Variants in PCDHGB7 observed in about 807,000 individuals in gnomAD.
PCDHGB7 encodes the protein protocadherin gamma-B7.
A neutral mutation model predicts 61.4 loss-of-function variants in PCDHGB7; 37 were observed. The ratio of observed to expected loss-of-function variants is 0.60; its 90% confidence interval spans 0.46 to 0.79. PCDHGB7 has a LOEUF of 0.79. Among genes scored for constraint, PCDHGB7 ranks in the 30% least tolerant of loss-of-function variants. The pLI is 0.00. For synonymous variants in PCDHGB7, 464 were observed against 503.5 expected (o/e 0.92, Z 1.05); for missense variants, 1,166 against 1,202.5 (o/e 0.97, Z 0.45).
rs747671382 is a variant in PCDHGB7 at position 141,444,152 on chromosome 5, ATTTTTTTTTTTTTTTTTTTT to A, written c.2415+23895_2415+23914del. ...GATATGTGTCACTTGTGTGTACTGG[ATTTTTTTTTTTTTTTTTTTT>A]TTTTTTTTTTTTTTTTGAGATGGAG... On this transcript the variant is annotated intron_variant, in intron 1 of 3. Transcript: ENST00000398594. 2.4e-4 allele frequency among the ~76,000 whole-genome samples: 8 copies of A among 33,898 alleles called. No homozygotes were observed. In the East Asian group the frequency reaches 3.0e-3, roughly 13 times the overall value. 22.2% of individuals were successfully genotyped at this position (33,898 alleles called of 152,430 possible). A position where few individuals can be genotyped will look rare whatever the true frequency, so the allele number is the denominator to read the frequency against.
At chr5:141,422,606 C>T in intron 1 of PCDHGB7, 1 of 1,613,904 alleles carries the variant, frequency 6.2e-7, no homozygotes, top group Non-Finnish European at 8.5e-7. Flanking sequence ...TCTTACTCTG[C>T]CTACATTCCC....
chr5:141,423,865 T>G, intron 1 of PCDHGB7: 1 of 1,285,992 alleles, frequency 7.8e-7, no homozygotes, highest in Non-Finnish European at 9.9e-7. Flanking sequence ...TTTGTGAAAG[T>G]CATTTTTCAA....
rs750928530 is a variant in PCDHGB7 at position 141,490,174 on chromosome 5, G to T, written c.2416-4633G>T. 1 of 1,614,056 alleles carries T rather than the reference G, an allele frequency of 6.2e-7. No individual in the cohort carries two copies. Among genetic ancestry groups the T allele is most frequent in the South Asian group, 1.1e-5 (1 of 91,086 alleles). ...TGTGTTGGGTCCCATAGACTTTGAG[G>T]AGTCACGTTTCTATGAAATTCATGC... On this transcript the variant is annotated intron_variant, in intron 1 of 3. Transcript: ENST00000398594. This position sits in a 1 kb window ranked among gnomAD's most constrained non-coding sequence, Gnocchi z 5.4.
chr5:141,451,806 A>G (rs145650418), intron 1 of PCDHGB7, among the ~76,000 whole-genome samples: 6,855 of 150,824 alleles, frequency 0.045, 259 homozygotes, highest in African/African-American at 0.1. Context: ...GCTTGAACCC[A>G]GGAGGCGGAG....
Position 141,425,378 on chromosome 5 carries a change from C to T in PCDHGB7, c.2415+5104C>T, listed in dbSNP as rs372445707. Among the ~76,000 whole-genome samples the T allele has an allele frequency of 1.6e-4, 25 of 152,174 alleles. 1 individual carries two copies. The highest frequency in any genetic ancestry group is 3.9e-4 in the African/African-American group (16 of 41,522). On this transcript the variant is annotated intron_variant, in intron 1 of 3. Transcript: ENST00000398594. ...TGATATTAAGAGGGTTATGTTGATTCGGAGGTAGTGATAAAGTTCTGTTAA... is the reference window on the plus strand; with the variant it reads ...TGATATTAAGAGGGTTATGTTGATTTGGAGGTAGTGATAAAGTTCTGTTAA...
intron 1 of PCDHGB7, among the ~76,000 whole-genome samples, chr5:141,446,448 T>C (rs954515926): frequency 2.6e-5 from 4 of 152,028 alleles, no homozygotes; most frequent in Non-Finnish European, 5.9e-5. Context: ...ACAGTGCAGA[T>C]ATTCAGTGTG....
chr5:141,497,384 A>G (rs2099776099), intron 2 of PCDHGB7, among the ~76,000 whole-genome samples: 1 of 151,900 alleles, frequency 6.6e-6, no homozygotes, highest in African/African-American at 2.4e-5. Context: ...TGGGGTGAGC[A>G]CCTTACCCCT....
At chr5:141,456,404 G>A (rs935040352) in intron 1 of PCDHGB7, among the ~76,000 whole-genome samples, 4 of 152,104 alleles carry the variant, frequency 2.6e-5, no homozygotes, top group Non-Finnish European at 4.4e-5. Flanking sequence ...TTGCTTCTAG[G>A]CGAGAAGAAA....
At chr5:141,453,201 C>A (rs115660512) in intron 1 of PCDHGB7, among the ~76,000 whole-genome samples, 1 of 152,206 alleles carries the variant, frequency 6.6e-6, no homozygotes, top group South Asian at 2.1e-4. Flanking sequence ...GCAGCCTCAA[C>A]CTCGTGCACT....
At chr5:141,478,725 A>C (rs2099473537) in intron 1 of PCDHGB7, 1 of 1,542,096 alleles carries the variant, frequency 6.5e-7, no homozygotes. Flanking sequence ...GGCCTGCCAG[A>C]GTGTGGTTTG....
rs766638463 is a variant in PCDHGB7 at position 141,476,525 on chromosome 5, A to G, written c.2416-18282A>G. ...CAACGACAACAATCCTGCTTTCCCT[A>G]CCCAGGAAATGAAATTGGAGATTAG... On this transcript the variant is annotated intron_variant, in intron 1 of 3. Transcript: ENST00000398594. This position sits in a 1 kb window ranked among gnomAD's most constrained non-coding sequence, Gnocchi z 7.6. 6 of 1,613,950 alleles carry G rather than the reference A, an allele frequency of 3.7e-6. No homozygotes were observed. The African/African-American group carries it at 6.7e-5, about 18-fold the overall frequency.
chr5:141,474,369 G>C (rs1424130168), intron 1 of PCDHGB7, among the ~76,000 whole-genome samples: 1 of 152,184 alleles, frequency 6.6e-6, no homozygotes, highest in Non-Finnish European at 1.5e-5. Flanking sequence ...AGTAGGTCTA[G>C]AGGAGGGCAT....
At chr5:141,420,391 G>C in intron 1 of PCDHGB7, 117 bp downstream of exon 1, 1 of 1,270,636 alleles carries the variant, frequency 7.9e-7, no homozygotes, top group Non-Finnish European at 1.0e-6. Flanking sequence ...GCAAAATATA[G>C]GTCAAATTTA....
At chr5:141,502,724 C>T (rs1288841230) in intron 2 of PCDHGB7, among the ~76,000 whole-genome samples, 2 of 152,134 alleles carry the variant, frequency 1.3e-5, no homozygotes, top group African/African-American at 4.8e-5. Context: ...GATTACAAAG[C>T]GGTGATGTTC....
chr5:141,423,798 A>G (rs551396089), intron 1 of PCDHGB7: 76 of 1,222,390 alleles, frequency 6.2e-5, no homozygotes, highest in Middle Eastern at 4.5e-4. Context: ...TATTTAGAGC[A>G]ATACATGTGA....
At chr5:141,455,558 G>A (rs1261373189) in intron 1 of PCDHGB7, among the ~76,000 whole-genome samples, 1 of 152,142 alleles carries the variant, frequency 6.6e-6, no homozygotes, top group East Asian at 1.9e-4. Flanking sequence ...CCGAGAAAAA[G>A]CTGGCCCTCC....
intron 1 of PCDHGB7, among the ~76,000 whole-genome samples, chr5:141,425,165 A>G (rs1391395593): frequency 6.6e-6 from 1 of 152,140 alleles, no homozygotes; most frequent in Non-Finnish European, 1.5e-5. Flanking sequence ...TAGGGATAGG[A>G]TTTATACTTG....
Position 141,485,859 on chromosome 5 carries a change from G to A in PCDHGB7, c.2416-8948G>A, listed in dbSNP as rs1272239385. ...CCGAGATCTGGCACCGCAGAGCTCC[G>A]GGTATCCGTGCTGGACGTAAACGAC... On this transcript the variant is annotated intron_variant, in intron 1 of 3. Transcript: ENST00000398594. This position sits in a 1 kb window ranked among gnomAD's most constrained non-coding sequence, Gnocchi z 5.7. 3.7e-6 allele frequency: 6 copies of A among 1,614,046 alleles called. No homozygotes were observed. Among genetic ancestry groups the A allele is most frequent in the Admixed American group, 3.3e-5 (2 of 60,000 alleles).
intron 1 of PCDHGB7, chr5:141,427,931 G>C: frequency 6.3e-7 from 1 of 1,583,764 alleles, no homozygotes; most frequent in Non-Finnish European, 8.6e-7. Flanking sequence ...GGCGCATGTT[G>C]GTGGGCGACC....
Sources: gnomAD v4.1 joint callset for allele counts (sites outside exome capture counted in the v4.1 genomes callset) on GRCh38, gnomAD v4.1.1 for gene constraint, Gnocchi (gnomAD v3.1) non-coding constraint, MANE v1.5 for transcripts, NCBI Gene and HGNC (gene_info 2026-07-23, HGNC 2026-07-21) for gene names.